SUMF1: variants seen among roughly 807,000 people sequenced by gnomAD.
SUMF1 encodes the protein sulfatase modifying factor 1.
Under a neutral mutation model 47.6 loss-of-function variants are expected in SUMF1, and 48 were observed. That is an observed-to-expected ratio of 1.01 (90% CI 0.80 to 1.28). The LOEUF is 1.28. Ranked by LOEUF, SUMF1 falls within the 50% of genes most tolerant of loss-of-function variation. SUMF1 has a pLI of 0.00. For synonymous variants in SUMF1, 230 were observed against 192.1 expected (o/e 1.20, Z -1.63); for missense variants, 571 against 485.4 (o/e 1.18, Z -1.66).
At chr3:4,256,215 CA>C (rs1164660303) in intron 8 of SUMF1, among the ~76,000 whole-genome samples, 7 of 81,224 alleles carry the variant, frequency 8.6e-5, no homozygotes, top group Non-Finnish European at 4.8e-5. Context: ...ACTAGAAAAG[CA>C]AGAGCAAACA....
intron 8 of SUMF1, among the ~76,000 whole-genome samples, chr3:4,351,850 G>C (rs1339456006): frequency 4.6e-5 from 7 of 152,182 alleles, no homozygotes. Context: ...TTTACACTCA[G>C]ATCCCTCTAT....
chr3:4,053,025 G>T (rs1235979993), intron 9 of SUMF1, among the ~76,000 whole-genome samples: 1 of 152,232 alleles, frequency 6.6e-6, no homozygotes, highest in East Asian at 1.9e-4. Context: ...CTAGCTTTTG[G>T]TCCATCTCAG....
chr3:4,059,903 A>T (rs1695249905), intron 9 of SUMF1, among the ~76,000 whole-genome samples: 1 of 152,034 alleles, frequency 6.6e-6, no homozygotes, highest in African/African-American at 2.4e-5. Flanking sequence ...ATATTCCTGG[A>T]ACAGGGGACT....
intron 8 of SUMF1, among the ~76,000 whole-genome samples, chr3:4,115,100 G>C (rs1467953158): frequency 6.6e-6 from 1 of 151,882 alleles, no homozygotes; most frequent in East Asian, 1.9e-4. Context: ...AGACCCTCGC[G>C]GGCACAAATG....
intron 8 of SUMF1, among the ~76,000 whole-genome samples, chr3:4,233,543 A>G (rs1696346877): frequency 6.6e-6 from 1 of 152,162 alleles, no homozygotes. Flanking sequence ...GTTTTTTAAC[A>G]TAAACAAAAG....
intron 9 of SUMF1, among the ~76,000 whole-genome samples, chr3:4,050,456 T>C (rs1191655961): frequency 1.3e-5 from 2 of 151,896 alleles, no homozygotes; most frequent in East Asian, 1.9e-4. Context: ...AAAATTGTCA[T>C]GATGGCCAGG....
chr3:4,366,809 CCA>C (rs1699977589), intron 8 of SUMF1, among the ~76,000 whole-genome samples: 1 of 152,052 alleles, frequency 6.6e-6, no homozygotes, highest in South Asian at 2.1e-4. Context: ...TTAAGAGTTT[CCA>C]GTTTTTCTGC....
chr3:4,094,266 A>C (rs1314450178), intron 8 of SUMF1, among the ~76,000 whole-genome samples: 1 of 152,006 alleles, frequency 6.6e-6, no homozygotes, highest in Non-Finnish European at 1.5e-5. Flanking sequence ...TCACTCCTTC[A>C]ACAAGTATTT....
chr3:4,288,899 C>T (rs539555595), intron 8 of SUMF1, among the ~76,000 whole-genome samples: 35 of 152,230 alleles, frequency 2.3e-4, no homozygotes, highest in African/African-American at 6.3e-4. Flanking sequence ...AACTTCACAA[C>T]GTTCTCTTAA....
chr3:4,093,947 T>G (rs1434560134), intron 8 of SUMF1, among the ~76,000 whole-genome samples: 1 of 152,096 alleles, frequency 6.6e-6, no homozygotes, highest in Middle Eastern at 3.2e-3. Flanking sequence ...GGCAGGTATA[T>G]ATCCAAAATG....
At chr3:4,138,129 G>A in intron 8 of SUMF1, among the ~76,000 whole-genome samples, 1 of 152,030 alleles carries the variant, frequency 6.6e-6, no homozygotes, top group South Asian at 2.1e-4. Flanking sequence ...CGATGAACAT[G>A]GTAGAAATAA....
intron 8 of SUMF1, among the ~76,000 whole-genome samples, chr3:4,336,090 G>A (rs1191359438): frequency 6.6e-6 from 1 of 151,764 alleles, no homozygotes; most frequent in Non-Finnish European, 1.5e-5. Context: ...AAGCCAAAAA[G>A]TGACTGAGGG....
rs145685004 is a variant in SUMF1, at chr3:4,406,386, T to C, written c.954+4479A>G. On this transcript the variant is annotated intron_variant, in intron 7 of 8. Coordinates refer to ENST00000272902, the MANE Select transcript of SUMF1 (RefSeq NM_182760.4). ...TTCTTTTCCTGACAGCCAAGTGTGA[T>C]GGCTCACACCTGTAATCCCAGCACT... Among the ~76,000 whole-genome samples, 331 of 152,320 alleles carry C rather than the reference T, an allele frequency of 2.2e-3. 2 individuals carry two copies. The highest frequency in any genetic ancestry group is 7.7e-3 in the African/African-American group (320 of 41,566).
intron 8 of SUMF1, among the ~76,000 whole-genome samples, chr3:4,309,979 C>T (rs1362339946): frequency 6.6e-6 from 1 of 152,190 alleles, no homozygotes; most frequent in African/African-American, 2.4e-5. Flanking sequence ...GCCTACTACA[C>T]ACTTAGGCAA....
At chr3:4,191,272 G>C (rs563763728) in intron 8 of SUMF1, among the ~76,000 whole-genome samples, 1 of 152,160 alleles carries the variant, frequency 6.6e-6, no homozygotes, top group South Asian at 2.1e-4. Context: ...GTTGGAGAGA[G>C]GGCAAATATT....
intron 8 of SUMF1, among the ~76,000 whole-genome samples, chr3:4,095,711 C>G (rs190534627): frequency 6.6e-6 from 1 of 152,136 alleles, no homozygotes; most frequent in Non-Finnish European, 1.5e-5. Context: ...CCTCACAAAT[C>G]CACAGTGCAT....
intron 8 of SUMF1, among the ~76,000 whole-genome samples, chr3:4,150,765 T>C (rs1694300710): frequency 6.6e-6 from 1 of 151,512 alleles, no homozygotes; most frequent in East Asian, 1.9e-4. Context: ...GGCATGCTTT[T>C]GTATCATCAT....
At chr3:4,349,544 T>C (rs1044561175) in intron 8 of SUMF1, among the ~76,000 whole-genome samples, 9 of 152,224 alleles carry the variant, frequency 5.9e-5, no homozygotes, top group South Asian at 4.1e-4. Flanking sequence ...TGTATGCTCC[T>C]TGCAGCACTA....
chr3:4,038,614 G>A (rs1201605221), intron 9 of SUMF1, among the ~76,000 whole-genome samples: 4 of 152,154 alleles, frequency 2.6e-5, no homozygotes, highest in Admixed American at 1.3e-4. Context: ...AGCAAAGGGC[G>A]AAGGGCTCAC....
Sources: allele counts gnomAD v4.1 joint callset (sites outside exome capture counted in the v4.1 genomes callset), GRCh38; gene constraint gnomAD v4.1.1; transcripts MANE v1.5; gene names NCBI Gene and HGNC (gene_info 2026-07-23, HGNC 2026-07-21).